MLLT10: variants seen among roughly 807,000 people sequenced by gnomAD.
MLLT10 encodes protein AF-10.
A neutral mutation model predicts 129.1 loss-of-function variants in MLLT10; 30 were observed. The observed-to-expected ratio is 0.23, with a 90% CI of 0.17 to 0.32. MLLT10 has a LOEUF of 0.32. Ranked by LOEUF, MLLT10 falls within the 10% of genes least tolerant of loss-of-function variation. MLLT10 has a pLI of 1.00. For synonymous variants in MLLT10, 490 were observed against 446.4 expected, an observed-to-expected ratio of 1.10 and a Z score of -1.23; for missense variants, 1,119 against 1,268.3, an observed-to-expected ratio of 0.88 and a Z score of 1.79.
At chr10:21,608,824 T>C (rs1219613895) in intron 5 of MLLT10, among the ~76,000 whole-genome samples, 1 of 152,190 alleles carries the variant, frequency 6.6e-6, no homozygotes, top group African/African-American at 2.4e-5. Flanking sequence ...CTCCAGATTT[T>C]CCATTTGTTT....
At chr10:21,621,974 T>G (rs1348809470) in intron 8 of MLLT10, among the ~76,000 whole-genome samples, 1 of 152,178 alleles carries the variant, frequency 6.6e-6, no homozygotes. Flanking sequence ...TTCATATGGT[T>G]TTAGGAAAAA....
intron 14 of MLLT10, among the ~76,000 whole-genome samples, chr10:21,725,456 C>T (rs1230302555): frequency 2.6e-5 from 4 of 152,100 alleles, no homozygotes; most frequent in Non-Finnish European, 4.4e-5. Context: ...CGGTGGCTCA[C>T]GCCTATAATC....
At chr10:21,563,226 A>G (rs933761320) in intron 3 of MLLT10, among the ~76,000 whole-genome samples, 1 of 152,092 alleles carries the variant, frequency 6.6e-6, no homozygotes, top group Non-Finnish European at 1.5e-5. Context: ...GGATGATAGA[A>G]CTTGTAATTT....
chr10:21,720,109 T>G (rs542323201), intron 14 of MLLT10, among the ~76,000 whole-genome samples: 1 of 152,346 alleles, frequency 6.6e-6, no homozygotes, highest in Non-Finnish European at 1.5e-5. Context: ...TATACAGTCC[T>G]GTTGTCCGAT....
chr10:21,604,163 G>A (rs1044552387), intron 5 of MLLT10, among the ~76,000 whole-genome samples: 1 of 152,162 alleles, frequency 6.6e-6, no homozygotes, highest in Non-Finnish European at 1.5e-5. Flanking sequence ...CCCCAAAACT[G>A]TTAATCCATT....
chr10:21,622,199 G>A (rs1261683408), intron 8 of MLLT10, among the ~76,000 whole-genome samples: 2 of 126,290 alleles, frequency 1.6e-5, no homozygotes, highest in African/African-American at 6.1e-5. Context: ...GCTCTGTTAC[G>A]CAGGCTGGGG....
chr10:21,694,360 G>A (rs1432916199), intron 13 of MLLT10, among the ~76,000 whole-genome samples: 1 of 152,082 alleles, frequency 6.6e-6, no homozygotes, highest in Non-Finnish European at 1.5e-5. Flanking sequence ...TATGTTTTGG[G>A]GGGCAGGAAT....
intron 13 of MLLT10, among the ~76,000 whole-genome samples, chr10:21,704,010 T>TTTTTTG (rs1161365520): frequency 1.7e-5 from 2 of 116,054 alleles, no homozygotes; most frequent in African/African-American, 3.4e-5. Flanking sequence ...ATTTCGATTG[T>TTTTTTG]TTTTTGTTTT....
At chr10:21,656,669 A>G (rs1031421145) in intron 9 of MLLT10, among the ~76,000 whole-genome samples, 1 of 152,188 alleles carries the variant, frequency 6.6e-6, no homozygotes, top group African/African-American at 2.4e-5. Flanking sequence ...ATCTACTTCA[A>G]TATTATGTTA....
rs747244556 is a variant in MLLT10, at chr10:21,717,253, C to CAAAAA, written c.1878+3323_1878+3327dup. Among the ~76,000 whole-genome samples, 217 of 62,882 alleles carry CAAAAA rather than the reference C, an allele frequency of 3.5e-3. 6 individuals are homozygous for CAAAAA. Among genetic ancestry groups the CAAAAA allele is most frequent in the East Asian group, 0.015 (23 of 1,526 alleles). The allele number at this position is 62,882 out of a possible 152,430, so 41.3% of individuals were successfully genotyped here. ...GGGCAACAAGAGCGAAACTCCGTCT[C>CAAAAA]AAAAAAAAAAAAAAAAAAAAAAAAT... is the stretch of plus-strand genomic sequence containing the variant. On this transcript the variant is annotated intron_variant, in intron 14 of 22. Transcript: ENST00000307729.
At chr10:21,583,703 A>C (rs537669951) in intron 3 of MLLT10, among the ~76,000 whole-genome samples, 6 of 152,150 alleles carry the variant, frequency 3.9e-5, no homozygotes, top group Non-Finnish European at 2.9e-5. Flanking sequence ...CACATGAGCT[A>C]ACAACAGCAA....
chr10:21,731,002 G>T lies in MLLT10; in HGVS notation c.2166G>T (p.Arg722Ser). 6.2e-7 allele frequency: 1 copy of T among 1,614,118 alleles called. No individual in the cohort carries two copies. The highest frequency in any genetic ancestry group is 8.5e-7 in the Non-Finnish European group (1 of 1,180,002). Reference sequence around the variant, plus strand: ...CCAGCATAGAACAGCTTTTGGAGAGGCAGTGGAGTGAAGGACAGCAATTTT... The same window carrying T: ...CCAGCATAGAACAGCTTTTGGAGAGTCAGTGGAGTGAAGGACAGCAATTTT... ...VAASIEQLLE[R>S]QWSEGQQFLL... The change falls in exon 17 of 23, where the codon AGG becomes AGT. Residue 722 changes from arginine to serine, a missense_variant. Physicochemically the swap from Arg to Ser is moderately radical, Grantham distance 110. Transcript: ENST00000307729.
At chr10:21,654,261 G>A (rs562019174) in intron 9 of MLLT10, among the ~76,000 whole-genome samples, 15 of 152,276 alleles carry the variant, frequency 9.9e-5, no homozygotes, top group African/African-American at 3.6e-4. Context: ...ATAGGTTAGG[G>A]AAGTGGAGAT....
intron 3 of MLLT10, among the ~76,000 whole-genome samples, chr10:21,543,565 G>A (rs559435241): frequency 2.9e-4 from 44 of 152,060 alleles, no homozygotes; most frequent in African/African-American, 8.2e-4. Context: ...TGCAACCTCC[G>A]CCTCCCGGGT....
intron 8 of MLLT10, among the ~76,000 whole-genome samples, chr10:21,628,115 A>G (rs569412018): frequency 6.6e-6 from 1 of 152,246 alleles, no homozygotes; most frequent in East Asian, 1.9e-4. Flanking sequence ...TTTTGCTGAT[A>G]TTCTCCTGCA....
At chr10:21,628,582 C>T (rs924379586) in intron 8 of MLLT10, among the ~76,000 whole-genome samples, 9 of 151,584 alleles carry the variant, frequency 5.9e-5, no homozygotes, top group South Asian at 2.1e-4. Context: ...GCTGGGATTA[C>T]GGGCTTTTGC....
chr10:21,734,992 T>C, intron 20 of MLLT10, 147 bp from the exon 21 acceptor site: 1 of 608,492 alleles, frequency 1.6e-6, no homozygotes, highest in South Asian at 2.0e-5. Flanking sequence ...TATATAGAAA[T>C]TGTACATAAC....
intron 13 of MLLT10, among the ~76,000 whole-genome samples, chr10:21,686,938 G>A (rs532884674): frequency 1.3e-5 from 2 of 152,082 alleles, no homozygotes; most frequent in African/African-American, 4.8e-5. Context: ...AGGTGAGATC[G>A]CGCCACTGCA....
chr10:21,625,293 C>G, intron 8 of MLLT10: 1 of 865,126 alleles, frequency 1.2e-6, no homozygotes, highest in South Asian at 1.4e-5. Flanking sequence ...TTCATTTCAT[C>G]CATAGCCATA....
Sources: allele counts gnomAD v4.1 joint callset (sites outside exome capture counted in the v4.1 genomes callset), GRCh38; gene constraint gnomAD v4.1.1; transcripts MANE v1.5; gene names NCBI Gene and HGNC (gene_info 2026-07-23, HGNC 2026-07-21).